ITIH4: variants seen among roughly 807,000 people sequenced by gnomAD.
ITIH4 encodes inter-alpha-trypsin inhibitor heavy chain H4.
ITIH4 carries 79 observed loss-of-function variants against 111.8 expected under a neutral mutation model. That is an observed-to-expected ratio of 0.71 (90% CI 0.59 to 0.85). The LOEUF (loss-of-function observed/expected upper bound fraction) is 0.85. ITIH4 is among the 40% of genes least tolerant of loss of function. The pLI is 0.00. For missense variants in ITIH4, 1,065 were observed against 1,195.8 expected, an observed-to-expected ratio of 0.89 and a Z score of 1.61; for synonymous variants, 472 against 468.3, an observed-to-expected ratio of 1.01 and a Z score of -0.10.
Position 52,830,644 on chromosome 3 carries a change from G to C in ITIH4, c.-2C>G. ...ACGGACAGGCCTTGGGGGCTTCATC[G>C]TGGCTCCAGTGTCTGCCAGGAGGCT... is the stretch of plus-strand genomic sequence containing the variant. On this transcript the variant is annotated 5_prime_UTR_variant, in exon 1 of 24. Coordinates refer to ENST00000266041, the MANE Select transcript of ITIH4 (RefSeq NM_002218.5). 1 of 1,602,070 alleles carries C rather than the reference G, an allele frequency of 6.2e-7. No homozygotes were observed. Among genetic ancestry groups the C allele is most frequent in the South Asian group, 1.1e-5 (1 of 89,784 alleles).
chr3:52,813,345 C>A lies in ITIH4; in HGVS notation c.*76G>T, dbSNP rs1219751320. 1.5e-5 allele frequency: 19 copies of A among 1,282,326 alleles called. No homozygotes were observed. The highest frequency in any genetic ancestry group is 2.0e-5 in the Non-Finnish European group (18 of 878,070). 79.4% of individuals were successfully genotyped at this position (1,282,326 alleles called of 1,614,324 possible). On this transcript the variant is annotated 3_prime_UTR_variant, in exon 24 of 24. Coordinates refer to ENST00000266041, the MANE Select transcript of ITIH4 (RefSeq NM_002218.5). ...TGGGACTCTTCCTCCCCATGGTGGT[C>A]CAGGCCCCAGAAGCGGCCCTGCAGT...
intron 13 of ITIH4, 117 bp downstream of exon 13, chr3:52,820,514 A>G (rs1337461979): frequency 1.5e-6 from 2 of 1,310,860 alleles, no homozygotes; most frequent in Admixed American, 2.1e-5. Flanking sequence ...TGAATCTCCC[A>G]GGGGGAGTCT....
At chr3:52,826,068 A>G in intron 5 of ITIH4, 54 bp from the exon 6 acceptor site, 1 of 1,608,680 alleles carries the variant, frequency 6.2e-7, no homozygotes, top group Non-Finnish European at 8.5e-7. Flanking sequence ...CAGGCCAACA[A>G]CACCCTCTAC....
chr3:52,821,840 C>G (rs915817283), intron 11 of ITIH4, among the ~76,000 whole-genome samples: 24 of 152,158 alleles, frequency 1.6e-4, no homozygotes, highest in Admixed American at 1.3e-3. Flanking sequence ...GCCAAGAGAC[C>G]TTTTCACAGT....
rs1700250317 is a variant in ITIH4, at chr3:52,814,735, T to G, written c.2472-372A>C. Among the ~76,000 whole-genome samples the G allele has an allele frequency of 2.0e-5, 3 of 152,112 alleles. No homozygotes were observed. The South Asian group carries it at 6.2e-4, about 32-fold the overall frequency. ...CCAAGTAGCTGGTACTGCAGGTACA[T>G]GCCACCATGTCCAGCTAATTTTATT... On this transcript the variant is annotated intron_variant, in intron 21 of 23. Coordinates refer to ENST00000266041, the MANE Select transcript of ITIH4 (RefSeq NM_002218.5).
intron 1 of ITIH4, 86 bp downstream of exon 1, chr3:52,830,465 GAC>G: frequency 2.4e-6 from 3 of 1,270,078 alleles, no homozygotes; most frequent in Non-Finnish European, 3.5e-6. Context: ...CACTTGTGCT[GAC>G]ACGCTGGCAC....
At position 52,824,934 on chromosome 3, in the gene ITIH4, A is replaced by C; in HGVS notation, c.784T>G (p.Tyr262Asp). Residue 262 changes from tyrosine to aspartate, a missense_variant, in exon 7 of 24, where the codon TAC becomes GAC. Coordinates refer to ENST00000266041, the MANE Select transcript of ITIH4 (RefSeq NM_002218.5). The surrounding 1 kb of genome is among the most constrained non-coding windows in gnomAD (Gnocchi z 4.3). Reference sequence around the variant, plus strand: ...GTGGTTAGGCCCTCGGGGGCAAAGTAGTGTACAAAGTAGCCGTTCTCGATC... The same window carrying C: ...GTGGTTAGGCCCTCGGGGGCAAAGTCGTGTACAAAGTAGCCGTTCTCGATC... ...IQIENGYFVH[Y>D]FAPEGLTTMP... 1 of 1,612,936 alleles carries C rather than the reference A, an allele frequency of 6.2e-7. No homozygotes were observed. The highest frequency in any genetic ancestry group is 1.1e-5 in the South Asian group (1 of 90,944).
Position 52,818,142 on chromosome 3 carries a change from G to A in ITIH4, c.2206C>T (p.Leu736=). 1 of 1,613,256 alleles carries A rather than the reference G, an allele frequency of 6.2e-7. No individual in the cohort carries two copies. Among genetic ancestry groups the A allele is most frequent in the Non-Finnish European group, 8.5e-7 (1 of 1,179,542 alleles). ...TCCACACTCTGCCCAGGCAGTGGCA[G>A]GATGGCAGAGGGAGCCTGTATGGGG... ...PAPIQAPSAI[L]PLPGQSVERL... The change falls in exon 20 of 24, where the codon CTG becomes TTG. Residue 736 remains leucine, a synonymous_variant. Coordinates refer to ENST00000266041, the MANE Select transcript of ITIH4 (RefSeq NM_002218.5).
Position 52,818,244 on chromosome 3 carries a change from G to C in ITIH4, c.2179+13C>G. ...AAGGATGTGGAAAGGGGCCAAGGGG[G>C]CTGGGAACTTACCTGGGGTTTGGGT... is the stretch of plus-strand genomic sequence containing the variant. On this transcript the variant is annotated intron_variant, in intron 19 of 23. Transcript: ENST00000266041. 1 of 1,584,640 alleles carries C rather than the reference G, an allele frequency of 6.3e-7. No homozygotes were observed. The highest frequency in any genetic ancestry group is 8.6e-7 in the Non-Finnish European group (1 of 1,165,738).
At chr3:52,821,231 CCA>C (rs1700375914) in intron 11 of ITIH4, 101 bp from the exon 12 acceptor site, 3 of 1,411,154 alleles carry the variant, frequency 2.1e-6, no homozygotes, top group Admixed American at 1.9e-5. Context: ...GGGGCAGGTC[CCA>C]CACACTGACT....
intron 3 of ITIH4, 67 bp from the exon 4 acceptor site, chr3:52,827,020 C>T (rs1007664736): frequency 6.2e-7 from 1 of 1,611,854 alleles, no homozygotes; most frequent in African/African-American, 1.3e-5. Flanking sequence ...GAGGTGGGAG[C>T]AGGACTAAGG....
intron 14 of ITIH4, 147 bp from the exon 15 acceptor site, chr3:52,820,137 T>C (rs775017469): frequency 8.7e-5 from 113 of 1,293,348 alleles, no homozygotes; most frequent in Non-Finnish European, 1.2e-4. Flanking sequence ...ACCAGCATGC[T>C]GGGTCAGATT....
Position 52,813,114 on chromosome 3 carries a change from T to C in ITIH4, c.*307A>G. The C allele has an allele frequency of 3.1e-6, 1 of 317,652 alleles. No homozygotes were observed. 19.7% of individuals were successfully genotyped at this position (317,652 alleles called of 1,614,324 possible). On this transcript the variant is annotated 3_prime_UTR_variant, in exon 24 of 24. Transcript: ENST00000266041. ...TCTCAAATGGGTGGTTCGAGCTCAG[T>C]TTCCTTGTTTGTAAAATGAAGGGGC...
rs1365931404 is a variant in ITIH4 at position 52,830,554 on chromosome 3, T to C, written c.89A>G (p.Lys30Arg). Residue 30 changes from lysine (K) to arginine (R), a missense_variant and splice_region_variant, in exon 1 of 24, where the codon AAG becomes AGG. By Grantham distance (26) the Lys-to-Arg change is conservative. Coordinates refer to ENST00000266041, the MANE Select transcript of ITIH4 (RefSeq NM_002218.5). ...GCCACACCCATGGACACTGGCTACC[T>C]TTTCGGCAGTAGTAGTCTGGTGGAT... Reference protein sequence around the residue: ...LAIHQTTTAEKNGIDIYSLTV... With the variant: ...LAIHQTTTAERNGIDIYSLTV... 6.2e-7 allele frequency: 1 copy of C among 1,613,510 alleles called. No individual in the cohort carries two copies. Among genetic ancestry groups the C allele is most frequent in the Admixed American group, 1.7e-5 (1 of 60,028 alleles).
At chr3:52,819,140 G>A (rs1003895026) in intron 17 of ITIH4, 14 of 480,620 alleles carry the variant, frequency 2.9e-5, no homozygotes, top group Non-Finnish European at 4.2e-5. Context: ...GAGATGAGAC[G>A]CTAAGGATGG....
In ITIH4 at chr3:52,817,010, C is replaced by CA. The variant is rs1700289466; in HGVS notation, c.2344dup (p.Trp782LeufsTer18). On this transcript the variant is annotated frameshift_variant, in exon 21 of 24. Transcript: ENST00000266041. LOFTEE classifies it high-confidence loss of function. ...GGGGTTCTTGAAGGTCACTTCGATCCATGAGAACCCAGCCTTCTCCCTCTC... is the reference window on the plus strand; with the variant it reads ...GGGGTTCTTGAAGGTCACTTCGATCCAATGAGAACCCAGCCTTCTCCCTCTC... The CA allele has an allele frequency of 6.2e-7, 1 of 1,613,976 alleles. No homozygotes were observed. The highest frequency in any genetic ancestry group is 1.3e-5 in the African/African-American group (1 of 75,060).
intron 20 of ITIH4, 146 bp downstream of exon 20, chr3:52,817,906 C>A: frequency 1.4e-6 from 1 of 727,956 alleles, no homozygotes; most frequent in Non-Finnish European, 2.5e-6. Flanking sequence ...GAGTGTGTGC[C>A]CATGCCAGCA....
intron 11 of ITIH4, among the ~76,000 whole-genome samples, chr3:52,823,115 G>A (rs1700413878): frequency 6.6e-6 from 1 of 152,220 alleles, no homozygotes; most frequent in Non-Finnish European, 1.5e-5. Context: ...GGGGTCCCTG[G>A]AAGGAGGCAG....
intron 1 of ITIH4, chr3:52,830,298 C>G: frequency 1.8e-6 from 1 of 557,112 alleles, no homozygotes; most frequent in South Asian, 1.7e-5. Context: ...TACTAAAAGG[C>G]GGTAGAGCCA....
Sources: gnomAD v4.1 joint callset for allele counts (sites outside exome capture counted in the v4.1 genomes callset) on GRCh38, gnomAD v4.1.1 for gene constraint, Gnocchi (gnomAD v3.1) non-coding constraint, MANE v1.5 for transcripts, NCBI Gene and HGNC (gene_info 2026-07-23, HGNC 2026-07-21) for gene names.